Variants in GABBR1 observed in about 807,000 individuals in gnomAD.
GABBR1 encodes the protein gamma-aminobutyric acid type B receptor subunit 1, also known as GABA-B receptor, R1 subunit.
In GABBR1, 35 loss-of-function variants were observed where a neutral mutation model predicts 117.7. The observed-to-expected ratio is 0.30, with a 90% CI of 0.23 to 0.39. The LOEUF (loss-of-function observed/expected upper bound fraction) is 0.39, where lower values mean the gene tolerates loss of function less well. Among genes scored for constraint, GABBR1 ranks in the 10% least tolerant of loss-of-function variants. The pLI is 1.00. For synonymous variants in GABBR1, 442 were observed against 486.6 expected, an observed-to-expected ratio of 0.91 and a Z score of 1.21; for missense variants, 709 against 1,241.8, an observed-to-expected ratio of 0.57 and a Z score of 6.45.
Position 29,623,249 on chromosome 6 carries a change from C to T in GABBR1, c.963+56G>A, listed in dbSNP as rs1487986669. The T allele has an allele frequency of 1.1e-5, 17 of 1,513,988 alleles. No individual in the cohort carries two copies. Among genetic ancestry groups the T allele is most frequent in the Non-Finnish European group, 1.5e-5 (17 of 1,105,980 alleles). 93.8% of individuals were successfully genotyped at this position (1,513,988 alleles called of 1,614,324 possible). A position where few individuals can be genotyped will look rare whatever the true frequency, so the allele number is the denominator to read the frequency against. The stretch of plus-strand genomic sequence containing the variant: ...TAAAAGTGACTCTCACGTCACATCT[C>T]CTGGTGCTGGAATTTGAGCTTATGT... On this transcript the variant is annotated intron_variant, in intron 8 of 22. Coordinates refer to ENST00000377034, the MANE Select transcript of GABBR1 (RefSeq NM_001470.4). This position sits in a 1 kb window ranked among gnomAD's most constrained non-coding sequence, Gnocchi z 6.2.
chr6:29,604,406 T>C lies in GABBR1; in HGVS notation c.2712+88A>G, dbSNP rs56062033. 3.9e-3 allele frequency: 5,963 copies of C among 1,529,308 alleles called. 27 individuals are homozygous for C. The highest frequency in any genetic ancestry group is 0.018 in the African/African-American group (1,291 of 73,474). 94.7% of individuals were successfully genotyped at this position (1,529,308 alleles called of 1,614,324 possible). A position where few individuals can be genotyped will look rare whatever the true frequency, so the allele number is the denominator to read the frequency against. On this transcript the variant is annotated intron_variant, in intron 22 of 22. Coordinates refer to ENST00000377034, the MANE Select transcript of GABBR1 (RefSeq NM_001470.4). The surrounding 1 kb of genome is among the most constrained non-coding windows in gnomAD (Gnocchi z 5.3). ...CATGAGCCAAGAACATCTGACCCTG[T>C]ATCTCAGGCTTGGCTTCAGACAACC... is the stretch of plus-strand genomic sequence containing the variant.
chr6:29,619,599 T>C (rs1763541809), intron 11 of GABBR1, among the ~76,000 whole-genome samples: 1 of 151,640 alleles, frequency 6.6e-6, no homozygotes, highest in South Asian at 2.1e-4. Flanking sequence ...CCAGTGATCC[T>C]CTGCCTTGGC....
rs1764891885 is a variant in GABBR1, at chr6:29,630,845, T to A, written c.290-202A>T. On this transcript the variant is annotated intron_variant, in intron 3 of 22. Transcript: ENST00000377034. The surrounding 1 kb of genome is among the most constrained non-coding windows in gnomAD (Gnocchi z 4.9). The stretch of plus-strand genomic sequence containing the variant: ...ACACATTCCCAAAAGAAAAAAAAAA[T>A]TACCATTTTAGGAACCCAAGATGGG... Among the ~76,000 whole-genome samples the A allele has an allele frequency of 6.6e-6, 1 of 151,934 alleles. No homozygotes were observed. Among genetic ancestry groups the A allele is most frequent in the African/African-American group, 2.4e-5 (1 of 41,332 alleles).
intron 4 of GABBR1, 40 bp from the exon 5 acceptor site, chr6:29,629,147 C>T (rs951187517): frequency 6.2e-7 from 1 of 1,612,200 alleles, no homozygotes; most frequent in African/African-American, 1.3e-5. Context: ...AGAGTTACCA[C>T]TGGCGCCCAG....
In GABBR1 at chr6:29,603,355, T is replaced by G. The variant is rs1263649381; in HGVS notation, c.*188A>C. ...CATGAAGCAGTAAGAGAGAAAAAGGTCTGTTTCCCAGAGGTATGAGAGACC... is the reference window on the plus strand; with the variant it reads ...CATGAAGCAGTAAGAGAGAAAAAGGGCTGTTTCCCAGAGGTATGAGAGACC... On this transcript the variant is annotated 3_prime_UTR_variant, in exon 23 of 23. Coordinates refer to ENST00000377034, the MANE Select transcript of GABBR1 (RefSeq NM_001470.4). 1 of 709,696 alleles carries G rather than the reference T, an allele frequency of 1.4e-6. No homozygotes were observed. The highest frequency in any genetic ancestry group is 1.7e-5 in the African/African-American group (1 of 57,216). The allele number at this position is 709,696 out of a possible 1,614,324, so 44.0% of individuals were successfully genotyped here.
intron 6 of GABBR1, among the ~76,000 whole-genome samples, chr6:29,626,867 C>T (rs1331136382): frequency 1.3e-5 from 2 of 152,036 alleles, no homozygotes; most frequent in Non-Finnish European, 2.9e-5. Context: ...ATTAGCCTTC[C>T]CCAATCACCA....
At position 29,632,476 on chromosome 6, in the gene GABBR1, A is replaced by G; in HGVS notation, c.1-91T>C. ...CTCGACCTCTTGCCGGTTGCCTCGCAGGCTCCGACCGGGCTCAGCCTGGGG... is the reference window on the plus strand; with the variant it reads ...CTCGACCTCTTGCCGGTTGCCTCGCGGGCTCCGACCGGGCTCAGCCTGGGG... On this transcript the variant is annotated intron_variant, in intron 1 of 22. Transcript: ENST00000377034. This position sits in a 1 kb window ranked among gnomAD's most constrained non-coding sequence, Gnocchi z 5.8. The G allele has an allele frequency of 8.8e-7, 1 of 1,136,930 alleles. No homozygotes were observed. The highest frequency in any genetic ancestry group is 1.2e-6 in the Non-Finnish European group (1 of 857,916). The allele number at this position is 1,136,930 out of a possible 1,614,324, so 70.4% of individuals were successfully genotyped here. A position where few individuals can be genotyped will look rare whatever the true frequency, so the allele number is the denominator to read the frequency against.
chr6:29,621,864 T>G lies in GABBR1; in HGVS notation c.1066-47A>C. Reference sequence around the variant, plus strand: ...CTCCTGAGGGATGCCCGGGAATGCCTGAGGGGCTAAGCCAGATGTCTTCAC... The same window carrying G: ...CTCCTGAGGGATGCCCGGGAATGCCGGAGGGGCTAAGCCAGATGTCTTCAC... On this transcript the variant is annotated intron_variant, in intron 9 of 22. Coordinates refer to ENST00000377034, the MANE Select transcript of GABBR1 (RefSeq NM_001470.4). This position sits in a 1 kb window ranked among gnomAD's most constrained non-coding sequence, Gnocchi z 5.0. 1 of 1,591,924 alleles carries G rather than the reference T, an allele frequency of 6.3e-7. No individual in the cohort carries two copies. The highest frequency in any genetic ancestry group is 8.6e-7 in the Non-Finnish European group (1 of 1,160,144).
At chr6:29,614,448 T>A (rs1158629546) in intron 11 of GABBR1, among the ~76,000 whole-genome samples, 1 of 152,212 alleles carries the variant, frequency 6.6e-6, no homozygotes, top group East Asian at 1.9e-4. Flanking sequence ...GAATGAAGAA[T>A]AAATAAATAA....
rs1261610680 is a variant in GABBR1 at position 29,622,242 on chromosome 6, G to A, written c.964-37C>T. 1.5e-6 allele frequency: 2 copies of A among 1,344,848 alleles called. No individual in the cohort carries two copies. The highest frequency in any genetic ancestry group is 2.1e-6 in the Non-Finnish European group (2 of 936,484). 83.3% of individuals were successfully genotyped at this position (1,344,848 alleles called of 1,614,324 possible). A position where few individuals can be genotyped will look rare whatever the true frequency, so the allele number is the denominator to read the frequency against. ...ATAAAAAACAAGTTGGAAAAACACGGGGTGCATGAGGGAATAAAGACCAGA... is the reference window on the plus strand; with the variant it reads ...ATAAAAAACAAGTTGGAAAAACACGAGGTGCATGAGGGAATAAAGACCAGA... On this transcript the variant is annotated intron_variant, in intron 8 of 22. Transcript: ENST00000377034. This position sits in a 1 kb window ranked among gnomAD's most constrained non-coding sequence, Gnocchi z 4.6.
intron 11 of GABBR1, among the ~76,000 whole-genome samples, chr6:29,617,066 T>C (rs1319042715): frequency 1.3e-5 from 2 of 150,020 alleles, no homozygotes; most frequent in East Asian, 2.0e-4. Flanking sequence ...TGCTATGAAA[T>C]CTCAAACAAG....
Position 29,632,519 on chromosome 6 carries a change from C to T in GABBR1, c.1-134G>A. ...GCCTGGGGACCAAGAGAGCGCCCCG[C>T]GGAGGAGGCGGGGGCGGAGCCCCGC... On this transcript the variant is annotated intron_variant, in intron 1 of 22. Transcript: ENST00000377034. This position sits in a 1 kb window ranked among gnomAD's most constrained non-coding sequence, Gnocchi z 5.8. 1 of 940,042 alleles carries T rather than the reference C, an allele frequency of 1.1e-6. No individual in the cohort carries two copies. The highest frequency in any genetic ancestry group is 1.5e-6 in the Non-Finnish European group (1 of 677,366). 58.2% of individuals were successfully genotyped at this position (940,042 alleles called of 1,614,324 possible). A position where few individuals can be genotyped will look rare whatever the true frequency, so the allele number is the denominator to read the frequency against.
At position 29,613,069 on chromosome 6, in the gene GABBR1, C is replaced by T. The variant is rs1472154692; in HGVS notation, c.1566+174G>A. Among the ~76,000 whole-genome samples the T allele has an allele frequency of 6.6e-6, 1 of 151,914 alleles. No homozygotes were observed. Among genetic ancestry groups the T allele is most frequent in the Non-Finnish European group, 1.5e-5 (1 of 67,984 alleles). On this transcript the variant is annotated intron_variant, in intron 12 of 22. Transcript: ENST00000377034. The surrounding 1 kb of genome is among the most constrained non-coding windows in gnomAD (Gnocchi z 4.1). ...AAAATGGAATACATCATTTTTTTTC[C>T]TCTAGTCTTTGATGGGTTCTTCTAA... is the stretch of plus-strand genomic sequence containing the variant.
intron 14 of GABBR1, among the ~76,000 whole-genome samples, chr6:29,610,597 T>C (rs747761914): frequency 7.2e-5 from 11 of 152,054 alleles, no homozygotes; most frequent in Non-Finnish European, 1.5e-4. Context: ...GGTTCAAATA[T>C]ATCAAGACAC....
At position 29,627,440 on chromosome 6, in the gene GABBR1, G is replaced by A; in HGVS notation, c.657+46C>T. 1 of 1,366,132 alleles carries A rather than the reference G, an allele frequency of 7.3e-7. No individual in the cohort carries two copies. The highest frequency in any genetic ancestry group is 1.0e-6 in the Non-Finnish European group (1 of 989,516). 84.6% of individuals were successfully genotyped at this position (1,366,132 alleles called of 1,614,324 possible). A position where few individuals can be genotyped will look rare whatever the true frequency, so the allele number is the denominator to read the frequency against. On this transcript the variant is annotated intron_variant, in intron 6 of 22. Transcript: ENST00000377034. The surrounding 1 kb of genome is among the most constrained non-coding windows in gnomAD (Gnocchi z 4.4). The stretch of plus-strand genomic sequence containing the variant: ...GGCGCGTGCAGCTGGCTGGCCCCCT[G>A]CCCCGCAAGCCCCCACCTCCCACCC...
chr6:29,618,138 G>A (rs1394671078), intron 11 of GABBR1, among the ~76,000 whole-genome samples: 4 of 152,160 alleles, frequency 2.6e-5, no homozygotes, highest in African/African-American at 9.7e-5. Flanking sequence ...ACTTTGAGTA[G>A]TCTTTTGGCT....
At position 29,605,326 on chromosome 6, in the gene GABBR1, T is replaced by C. The variant is rs2127389915; in HGVS notation, c.2439+243A>G. ...AAGCAATTTAACGTCTCTGTGTTTC[T>C]GTTTCCTCACCTATAAAGTGGGGAT... On this transcript the variant is annotated intron_variant, in intron 20 of 22. Transcript: ENST00000377034. The surrounding 1 kb of genome is among the most constrained non-coding windows in gnomAD (Gnocchi z 4.2). 3.5e-6 allele frequency: 2 copies of C among 574,216 alleles called. No homozygotes were observed. Among genetic ancestry groups the C allele is most frequent in the Admixed American group, 3.4e-5 (1 of 29,498 alleles). 35.6% of individuals were successfully genotyped at this position (574,216 alleles called of 1,614,324 possible).
At chr6:29,628,996 C>T in intron 5 of GABBR1, 91 bp downstream of exon 5, 2 of 1,493,696 alleles carry the variant, frequency 1.3e-6, no homozygotes, top group Middle Eastern at 3.5e-4. Context: ...GACGACGCCC[C>T]GTAGCCTAAG....
chr6:29,612,653 A>G, intron 12 of GABBR1, 39 bp from the exon 13 acceptor site: 1 of 1,559,018 alleles, frequency 6.4e-7, no homozygotes, highest in Non-Finnish European at 8.9e-7. Context: ...AAAGGAGACA[A>G]AAGCAAGAGT....
Sources: gnomAD v4.1 joint callset for allele counts (sites outside exome capture counted in the v4.1 genomes callset) on GRCh38, gnomAD v4.1.1 for gene constraint, Gnocchi (gnomAD v3.1) non-coding constraint, MANE v1.5 for transcripts, NCBI Gene and HGNC (gene_info 2026-07-23, HGNC 2026-07-21) for gene names.